RBFOX1: variants seen among roughly 807,000 people sequenced by gnomAD.
RBFOX1 encodes the protein RNA binding fox-1 homolog 1, also known as RNA binding protein fox-1 homolog 1.
RBFOX1 carries 8 observed loss-of-function variants against 57.7 expected under a neutral mutation model. The observed-to-expected ratio is 0.14, with a 90% CI of 0.08 to 0.25. The LOEUF is 0.25. Among genes scored for constraint, RBFOX1 ranks in the 10% least tolerant of loss-of-function variants. The pLI, the probability that RBFOX1 is intolerant of heterozygous loss-of-function variation, is 1.00. For synonymous variants in RBFOX1, 326 were observed against 222.4 expected (o/e 1.47, Z -4.15); for missense variants, 611 against 548.5 (o/e 1.11, Z -1.14).
chr16:7,565,313 A>G (rs9930749), intron 5 of RBFOX1, among the ~76,000 whole-genome samples: 23,615 of 152,080 alleles, frequency 0.16, 2,141 homozygotes, highest in East Asian at 0.26. Context: ...TACACATTCA[A>G]TATAGTTACA....
chr16:7,273,223 T>TCCC, intron 4 of RBFOX1, among the ~76,000 whole-genome samples: 1 of 128,296 alleles, frequency 7.8e-6, no homozygotes, highest in African/African-American at 2.9e-5. Flanking sequence ...CCTTCCTTCC[T>TCCC]TCCTTCCTTC....
At chr16:6,853,237 T>C (rs952908910) in intron 3 of RBFOX1, among the ~76,000 whole-genome samples, 5 of 152,302 alleles carry the variant, frequency 3.3e-5, no homozygotes, top group Middle Eastern at 3.4e-3. Flanking sequence ...TGATAGTATG[T>C]ATAAGGTTTG....
At chr16:6,903,616 G>C (rs2069021187) in intron 3 of RBFOX1, among the ~76,000 whole-genome samples, 1 of 152,150 alleles carries the variant, frequency 6.6e-6, no homozygotes, top group Non-Finnish European at 1.5e-5. Flanking sequence ...CAGTCAACCT[G>C]TATAAATGCT....
chr16:7,685,690 T>C (rs144724271), intron 14 of RBFOX1, among the ~76,000 whole-genome samples: 84 of 152,264 alleles, frequency 5.5e-4, no homozygotes, highest in Non-Finnish European at 9.3e-4. Flanking sequence ...CAGTAGCAAG[T>C]ACATTAAATT....
chr16:5,634,739 C>A (rs1311798871), intron 3 of RBFOX1, among the ~76,000 whole-genome samples: 3 of 152,176 alleles, frequency 2.0e-5, no homozygotes, highest in Non-Finnish European at 4.4e-5. Flanking sequence ...CGTATTCTCT[C>A]CATTTCTCTT....
chr16:6,609,942 A>G (rs1242706764), intron 2 of RBFOX1, among the ~76,000 whole-genome samples: 6 of 152,030 alleles, frequency 3.9e-5, no homozygotes, highest in Admixed American at 3.3e-4. Flanking sequence ...CAGGAGGTGG[A>G]GGTTGCCGTG....
intron 4 of RBFOX1, among the ~76,000 whole-genome samples, chr16:7,060,761 T>C (rs865791906): frequency 2.0e-5 from 3 of 152,192 alleles, no homozygotes; most frequent in South Asian, 2.1e-4. Context: ...ATGCAAATTG[T>C]TGTTCGGCTG....
intron 3 of RBFOX1, among the ~76,000 whole-genome samples, chr16:5,656,943 G>A (rs1567355527): frequency 6.6e-6 from 1 of 152,144 alleles, no homozygotes; most frequent in African/African-American, 2.4e-5. Context: ...GGGGTGGGGA[G>A]CAAGGGGAGG....
At chr16:6,402,155 C>T (rs992301882) in intron 2 of RBFOX1, among the ~76,000 whole-genome samples, 1 of 151,710 alleles carries the variant, frequency 6.6e-6, no homozygotes, top group African/African-American at 2.4e-5. Flanking sequence ...AGCATGCATG[C>T]AGACACCCAT....
chr16:7,104,935 G>A (rs1042543902), intron 4 of RBFOX1, among the ~76,000 whole-genome samples: 2 of 149,168 alleles, frequency 1.3e-5, no homozygotes, highest in African/African-American at 5.2e-5. Flanking sequence ...AGAAATCTCT[G>A]TGCTTGTGTG....
intron 10 of RBFOX1, among the ~76,000 whole-genome samples, chr16:7,608,311 A>G (rs2056752200): frequency 6.6e-6 from 1 of 152,224 alleles, no homozygotes; most frequent in African/African-American, 2.4e-5. Context: ...AGGAACACAG[A>G]AAACTTAGCT....
chr16:6,176,440 T>TG (rs1487390249), intron 1 of RBFOX1, among the ~76,000 whole-genome samples: 1 of 151,148 alleles, frequency 6.6e-6, no homozygotes, highest in African/African-American at 2.4e-5. Flanking sequence ...ATTACAGGCA[T>TG]GAGCTACTGT....
chr16:7,485,616 TTATAAAGAGAGGTTTTAAA>T (rs2065171796), intron 4 of RBFOX1, among the ~76,000 whole-genome samples: 1 of 152,196 alleles, frequency 6.6e-6, no homozygotes, highest in Admixed American at 6.5e-5. Context: ...TACCTCAAGA[TTATAAAGAGAGGTTTTAAA>T]TAGAAGATTG....
At chr16:6,800,859 G>A (rs1004593157) in intron 3 of RBFOX1, among the ~76,000 whole-genome samples, 2 of 151,952 alleles carry the variant, frequency 1.3e-5, no homozygotes, top group Admixed American at 6.6e-5. Flanking sequence ...ATTTTCTTCT[G>A]GTTGTTTTTC....
intron 2 of RBFOX1, among the ~76,000 whole-genome samples, chr16:6,437,844 G>T (rs1025023787): frequency 3.2e-4 from 48 of 152,264 alleles, no homozygotes; most frequent in Admixed American, 7.9e-4. Context: ...GGGGAAATCT[G>T]CACCCATCAT....
chr16:7,254,244 C>G (rs906936879), intron 4 of RBFOX1, among the ~76,000 whole-genome samples: 4 of 152,158 alleles, frequency 2.6e-5, no homozygotes, highest in Non-Finnish European at 5.9e-5. Flanking sequence ...AGCTGTTTGG[C>G]AGCAAGGACT....
intron 1 of RBFOX1, among the ~76,000 whole-genome samples, chr16:5,297,957 G>A (rs1260423813): frequency 6.6e-6 from 1 of 152,122 alleles, no homozygotes; most frequent in Admixed American, 6.5e-5. Context: ...AGAAAGCAAG[G>A]TGTAGCCCAG....
chr16:5,491,629 G>A (rs934758864), intron 2 of RBFOX1, among the ~76,000 whole-genome samples: 5 of 152,162 alleles, frequency 3.3e-5, no homozygotes, highest in Non-Finnish European at 7.3e-5. Flanking sequence ...TGATTTTTAC[G>A]TAGTGTTCAT....
intron 3 of RBFOX1, among the ~76,000 whole-genome samples, chr16:7,040,404 T>G (rs1214380259): frequency 1.3e-5 from 2 of 152,192 alleles, no homozygotes; most frequent in Non-Finnish European, 2.9e-5. Context: ...AACATCTCAT[T>G]TAATTATTAC....
Sources: gnomAD v4.1 joint callset for allele counts (sites outside exome capture counted in the v4.1 genomes callset) on GRCh38, gnomAD v4.1.1 for gene constraint, MANE v1.5 for transcripts, NCBI Gene and HGNC (gene_info 2026-07-23, HGNC 2026-07-21) for gene names.